HINFP: variants seen among roughly 807,000 people sequenced by gnomAD.
HINFP encodes MBD2 (methyl-CpG-binding protein)-interacting zinc finger protein.
HINFP carries 20 observed loss-of-function variants against 50.1 expected under a neutral mutation model. The ratio of observed to expected loss-of-function variants is 0.40; its 90% CI spans 0.28 to 0.58. The LOEUF is 0.58. Among genes scored for constraint, HINFP ranks in the 20% least tolerant of loss-of-function variants. HINFP has a pLI of 0.45. For synonymous variants in HINFP, 247 were observed against 243.7 expected, an observed-to-expected ratio of 1.01 and a Z score of -0.13; for missense variants, 505 against 664.1, an observed-to-expected ratio of 0.76 and a Z score of 2.63.
At chr11:119,130,122 G>A (rs1947670302) in intron 2 of HINFP, 1 of 152,702 alleles carries the variant, frequency 6.5e-6, no homozygotes, top group African/African-American at 2.4e-5. Flanking sequence ...AAACATGAGG[G>A]GAAGGAGGAG....
At chr11:119,129,811 G>A (rs545053438) in intron 2 of HINFP, 30 of 152,250 alleles carry the variant, frequency 2.0e-4, no homozygotes, top group African/African-American at 7.2e-4. Flanking sequence ...ACCCACTAGT[G>A]GGTCACAACA....
At chr11:119,130,567 A>T (rs1947694660) in intron 2 of HINFP, 158 bp from the exon 3 acceptor site, 1 of 626,744 alleles carries the variant, frequency 1.6e-6, no homozygotes, top group Admixed American at 2.9e-5. Flanking sequence ...ATTTATGGTC[A>T]TTAAATACTG....
rs1396155237 is a variant in HINFP at position 119,131,032 on chromosome 11, G to A, written c.411+78G>A. 8.6e-7 allele frequency: 1 copy of A among 1,156,128 alleles called. No homozygotes were observed. The highest frequency in any genetic ancestry group is 1.2e-5 in the South Asian group (1 of 80,796). The allele number at this position is 1,156,128 out of a possible 1,614,324, so 71.6% of individuals were successfully genotyped here. A position where few individuals can be genotyped will look rare whatever the true frequency, so the allele number is the denominator to read the frequency against. On this transcript the variant is annotated intron_variant, in intron 3 of 9. Transcript: ENST00000350777. This position sits in a 1 kb window ranked among gnomAD's most constrained non-coding sequence, Gnocchi z 4.2. ...CTGATGCCTTGTCCCTTTCAGGGAT[G>A]CCTTATATTTCCAAGATTCCTGCTA...
rs2135092180 is a variant in HINFP at position 119,134,266 on chromosome 11, A to G, written c.1322A>G (p.Glu441Gly). The G allele has an allele frequency of 6.2e-7, 1 of 1,614,120 alleles. No homozygotes were observed. The highest frequency in any genetic ancestry group is 2.2e-5 in the East Asian group (1 of 44,890). Reference sequence around the variant, plus strand: ...CCAGGGGAGCCAGGACGTAAGGAAGAGGAAGAGGAGGGCAAGGGTAGCGAA... The same window carrying G: ...CCAGGGGAGCCAGGACGTAAGGAAGGGGAAGAGGAGGGCAAGGGTAGCGAA... The part of the protein sequence containing the change: ...TVPGEPGRKE[E>G]EEEGKGSEGT... Residue 441 changes from glutamate (E) to glycine (G), a missense_variant, in exon 10 of 10, where the codon GAG becomes GGG. Physicochemically the swap from Glu to Gly is moderately conservative, Grantham distance 98 (BLOSUM62 -2). Transcript: ENST00000350777. The surrounding 1 kb of genome is among the most constrained non-coding windows in gnomAD (Gnocchi z 4.3).
In HINFP at chr11:119,127,061, C is replaced by T. The variant is rs140126899; in HGVS notation, c.117C>T (p.His39=). 6 of 1,613,904 alleles carry T rather than the reference C, an allele frequency of 3.7e-6. No homozygotes were observed. In the African/African-American group the frequency reaches 8.0e-5, roughly 22 times the overall value. The part of the protein sequence containing the change: ...MEKFFEHVTQ[H]LQQHLHGSGE... ...AGTTCTTTGAGCATGTCACTCAGCA[C>T]CTGCAGCAGCACCTGCATGGCTCTG... Residue 39 remains histidine, a synonymous_variant, in exon 2 of 10, where the codon CAC becomes CAT. Coordinates refer to ENST00000350777, the MANE Select transcript of HINFP (RefSeq NM_198971.3).
intron 1 of HINFP, chr11:119,125,698 C>T (rs1947355647): frequency 1.3e-5 from 2 of 152,136 alleles, no homozygotes; most frequent in African/African-American, 4.8e-5. Context: ...ATATTTATTA[C>T]ATGCCTAAGC....
intron 2 of HINFP, among the ~76,000 whole-genome samples, chr11:119,129,410 G>T (rs1411291363): frequency 2.0e-5 from 3 of 151,846 alleles, no homozygotes; most frequent in African/African-American, 7.3e-5. Flanking sequence ...GGCCTCAAGT[G>T]ATCCTCCTGC....
chr11:119,122,346 T>C (rs1375140912), intron 1 of HINFP, among the ~76,000 whole-genome samples: 1 of 152,148 alleles, frequency 6.6e-6, no homozygotes, highest in Non-Finnish European at 1.5e-5. Flanking sequence ...AGCAGGTGTA[T>C]GTTTAGAATA....
chr11:119,123,344 G>C (rs1302811595), intron 1 of HINFP, among the ~76,000 whole-genome samples: 1 of 152,022 alleles, frequency 6.6e-6, no homozygotes, highest in Non-Finnish European at 1.5e-5. Context: ...ACTCACCACA[G>C]GGCTGACACA....
At position 119,131,566 on chromosome 11, in the gene HINFP, G is replaced by A. The variant is rs572983135; in HGVS notation, c.443G>A (p.Arg148Gln). The change falls in exon 4 of 10, where the codon CGG (arginine) becomes CAG (glutamine). Residue 148 changes from arginine to glutamine, a missense_variant. Arg to Gln is a conservative substitution (Grantham distance 43). Coordinates refer to ENST00000350777, the MANE Select transcript of HINFP (RefSeq NM_198971.3). This position sits in a 1 kb window ranked among gnomAD's most constrained non-coding sequence, Gnocchi z 4.2. ...TTCGACAATCCTGAGTGGTTTTATC[G>A]GCATGTGGAAGCACACAGTCTGTGC... ...NSFDNPEWFYRHVEAHSLCCE... is the reference protein window; with the variant it reads ...NSFDNPEWFYQHVEAHSLCCE... 7.4e-6 allele frequency: 12 copies of A among 1,614,106 alleles called. No individual in the cohort carries two copies. The highest frequency in any genetic ancestry group is 1.1e-5 in the South Asian group (1 of 91,080).
At chr11:119,126,603 G>T (rs920292278) in intron 1 of HINFP, 1 of 192,456 alleles carries the variant, frequency 5.2e-6, no homozygotes, top group East Asian at 1.3e-4. Flanking sequence ...AAAGCCATCT[G>T]TTTGAACCTG....
chr11:119,124,278 G>T (rs777032602), intron 1 of HINFP: 6 of 152,202 alleles, frequency 3.9e-5, no homozygotes, highest in Non-Finnish European at 8.8e-5. Context: ...TGTATTGGGG[G>T]CATGAAGGAT....
chr11:119,133,415 C>T (rs1374442290), intron 9 of HINFP, 196 bp downstream of exon 9: 3 of 576,140 alleles, frequency 5.2e-6, no homozygotes, highest in South Asian at 3.8e-5. Context: ...CCCGTCTCTA[C>T]TAAAAATACA....
intron 2 of HINFP, 174 bp from the exon 3 acceptor site, chr11:119,130,551 C>G: frequency 3.3e-6 from 2 of 602,954 alleles, no homozygotes; most frequent in Non-Finnish European, 5.9e-6. Context: ...CTCTAACTGG[C>G]ACACAATTTA....
chr11:119,133,879 TA>T, intron 9 of HINFP: 1 of 659,012 alleles, frequency 1.5e-6, no homozygotes, highest in East Asian at 2.7e-5. Context: ...GGTTTCTATA[TA>T]AAACTTTCCA....
intron 1 of HINFP, chr11:119,125,837 TAGGTAA>T (rs1483048738): frequency 6.6e-6 from 1 of 152,154 alleles, no homozygotes; most frequent in Non-Finnish European, 1.5e-5. Context: ...TTGGATAGGT[TAGGTAA>T]AGGCAGATTG....
Position 119,134,457 on chromosome 11 carries a change from C to T in HINFP, c.1513C>T (p.Leu505Phe). Residue 505 changes from leucine to phenylalanine, a missense_variant, in exon 10 of 10, where the codon CTT becomes TTT. Physicochemically the swap from Leu to Phe is conservative, Grantham distance 22. Transcript: ENST00000350777. The surrounding 1 kb of genome is among the most constrained non-coding windows in gnomAD (Gnocchi z 4.3). The part of the protein sequence containing the change: ...EPPSGGIMEK[L>F]QGIAEEPEIQ... Reference sequence around the variant, plus strand: ...ACCTTCAGGGGGCATCATGGAAAAGCTTCAAGGAATAGCTGAGGAGCCAGA... The same window carrying T: ...ACCTTCAGGGGGCATCATGGAAAAGTTTCAAGGAATAGCTGAGGAGCCAGA... 1 of 1,612,056 alleles carries T rather than the reference C, an allele frequency of 6.2e-7. No individual in the cohort carries two copies. The highest frequency in any genetic ancestry group is 1.1e-5 in the South Asian group (1 of 91,028).
rs1230010956 is a variant in HINFP, at chr11:119,131,197, T to A, written c.411+243T>A. 1.1e-5 allele frequency: 7 copies of A among 656,946 alleles called. No homozygotes were observed. The highest frequency in any genetic ancestry group is 2.0e-5 in the Non-Finnish European group (7 of 357,976). The allele number at this position is 656,946 out of a possible 1,614,324, so 40.7% of individuals were successfully genotyped here. A position where few individuals can be genotyped will look rare whatever the true frequency, so the allele number is the denominator to read the frequency against. On this transcript the variant is annotated intron_variant, in intron 3 of 9. Coordinates refer to ENST00000350777, the MANE Select transcript of HINFP (RefSeq NM_198971.3). The surrounding 1 kb of genome is among the most constrained non-coding windows in gnomAD (Gnocchi z 4.2). The stretch of plus-strand genomic sequence containing the variant: ...TTGAACTCCTGGGCTCAAGCAATCC[T>A]CCCACCTCAGCCTCCCAAGTAGCTA...
At chr11:119,122,122 A>G (rs1947099666) in intron 1 of HINFP, 1 of 152,182 alleles carries the variant, frequency 6.6e-6, no homozygotes, top group African/African-American at 2.4e-5. Context: ...CAGTTCATTC[A>G]TTGTCTTGCG....
Sources: gnomAD v4.1 joint callset for allele counts (sites outside exome capture counted in the v4.1 genomes callset) on GRCh38, gnomAD v4.1.1 for gene constraint, Gnocchi (gnomAD v3.1) non-coding constraint, MANE v1.5 for transcripts, NCBI Gene and HGNC (gene_info 2026-07-23, HGNC 2026-07-21) for gene names.